SEZ6L: variants seen among roughly 807,000 people sequenced by gnomAD.
SEZ6L encodes seizure related 6 homolog like.
A neutral mutation model predicts 106.2 loss-of-function variants in SEZ6L; 37 were observed. The ratio of observed to expected loss-of-function variants is 0.35; its 90% CI spans 0.27 to 0.46. The LOEUF is 0.46. SEZ6L is among the 20% of genes least tolerant of loss of function. The pLI, the probability that SEZ6L is intolerant of heterozygous loss-of-function variation, is 1.00. For synonymous variants in SEZ6L, 541 were observed against 570.4 expected, an observed-to-expected ratio of 0.95 and a Z score of 0.73; for missense variants, 1,172 against 1,332.8, an observed-to-expected ratio of 0.88 and a Z score of 1.88.
chr22:26,337,823 T>C (rs2082692358), intron 9 of SEZ6L, among the ~76,000 whole-genome samples: 1 of 152,100 alleles, frequency 6.6e-6, no homozygotes, highest in South Asian at 2.1e-4. Context: ...ATGGCGGCAA[T>C]CAAAATCTTC....
intron 1 of SEZ6L, among the ~76,000 whole-genome samples, chr22:26,211,824 A>AAAT (rs2078167464): frequency 1.3e-5 from 2 of 149,564 alleles, no homozygotes; most frequent in Non-Finnish European, 3.0e-5. Flanking sequence ...AAAAAAAAAA[A>AAAT]AAAAATTTAA....
chr22:26,347,967 A>G, intron 11 of SEZ6L, 54 bp downstream of exon 11: 1 of 1,452,654 alleles, frequency 6.9e-7, no homozygotes, highest in Non-Finnish European at 9.1e-7. Context: ...AATCCCTTCT[A>G]GGGATCTTTT....
At chr22:26,330,146 T>C (rs767346878) in intron 9 of SEZ6L, among the ~76,000 whole-genome samples, 1 of 152,162 alleles carries the variant, frequency 6.6e-6, no homozygotes. Flanking sequence ...GCTCCAGGGA[T>C]TGGGGTGAAG....
chr22:26,306,643 T>TAATATGCATAGAATCCAG, intron 6 of SEZ6L, among the ~76,000 whole-genome samples: 1 of 152,218 alleles, frequency 6.6e-6, no homozygotes, highest in South Asian at 2.1e-4. Flanking sequence ...AGACTCTTAA[T>TAATATGCATAGAATCCAG]AATATGCATA....
At chr22:26,202,549 T>C (rs1448475965) in intron 1 of SEZ6L, among the ~76,000 whole-genome samples, 1 of 152,212 alleles carries the variant, frequency 6.6e-6, no homozygotes, top group Non-Finnish European at 1.5e-5. Context: ...TTGAGGACAC[T>C]GTCAGGCACA....
intron 12 of SEZ6L, among the ~76,000 whole-genome samples, chr22:26,362,328 G>A (rs2083662398): frequency 6.6e-6 from 1 of 152,202 alleles, no homozygotes; most frequent in African/African-American, 2.4e-5. Context: ...GGAAGGATTA[G>A]CCTTGGCCAA....
intron 9 of SEZ6L, among the ~76,000 whole-genome samples, chr22:26,314,293 G>A (rs147829822): frequency 2.0e-5 from 3 of 152,318 alleles, no homozygotes; most frequent in African/African-American, 4.8e-5. Context: ...AGTCTTCCCC[G>A]AGGATCTGAT....
intron 1 of SEZ6L, among the ~76,000 whole-genome samples, chr22:26,238,502 C>G (rs1356176569): frequency 6.6e-6 from 1 of 152,200 alleles, no homozygotes; most frequent in African/African-American, 2.4e-5. Context: ...CGATCCCTTG[C>G]GGATGTCAAA....
At chr22:26,233,173 T>C (rs1365078364) in intron 1 of SEZ6L, among the ~76,000 whole-genome samples, 1 of 152,252 alleles carries the variant, frequency 6.6e-6, no homozygotes, top group Admixed American at 6.5e-5. Context: ...GCAGTGTCTT[T>C]TTGCATTGCT....
At chr22:26,196,959 G>A (rs908669305) in intron 1 of SEZ6L, among the ~76,000 whole-genome samples, 4 of 152,152 alleles carry the variant, frequency 2.6e-5, no homozygotes, top group Middle Eastern at 3.2e-3. Flanking sequence ...CAACACTAAC[G>A]TTGAATGGAA....
At chr22:26,309,633 C>G (rs753346850) in intron 6 of SEZ6L, among the ~76,000 whole-genome samples, 5 of 152,148 alleles carry the variant, frequency 3.3e-5, no homozygotes, top group Non-Finnish European at 7.3e-5. Context: ...AGCTGGAGTG[C>G]AGTGGCTCGA....
At chr22:26,365,704 TCTCTAC>T in intron 13 of SEZ6L, 138 bp downstream of exon 13, 1 of 665,818 alleles carries the variant, frequency 1.5e-6, no homozygotes, top group African/African-American at 1.8e-5. Context: ...GAGACCCCCA[TCTCTAC>T]CAAAAAAAAA....
Position 26,266,330 on chromosome 22 carries a change from G to A in SEZ6L, c.95-26076G>A, listed in dbSNP as rs1472438323. ...AATCCCAGCACTTTGGGAGGCCAAG[G>A]CGGGTGGATCACGAGGTCAGGAGAT... On this transcript the variant is annotated intron_variant, in intron 1 of 16. Transcript: ENST00000248933. Among the ~76,000 whole-genome samples, 18 of 152,022 alleles carry A rather than the reference G, an allele frequency of 1.2e-4. No individual in the cohort carries two copies. The East Asian group carries it at 3.5e-3, about 30-fold the overall frequency.
chr22:26,331,233 G>A (rs1024401674), intron 9 of SEZ6L, among the ~76,000 whole-genome samples: 1 of 152,172 alleles, frequency 6.6e-6, no homozygotes, highest in African/African-American at 2.4e-5. Flanking sequence ...AGATGGGTTC[G>A]CTGGTCTGTG....
In SEZ6L at chr22:26,292,422, A is replaced by C. The variant is rs35377445; in HGVS notation, c.111A>C (p.Gly37=). 170,241 of 1,611,990 alleles carry C rather than the reference A, an allele frequency of 0.11. 10,233 individuals are homozygous for C. Among genetic ancestry groups the C allele is most frequent in the Middle Eastern group, 0.14 (824 of 6,046 alleles). Residue 37 remains glycine (G), a synonymous_variant, in exon 2 of 17, where the codon GGA becomes GGC. Transcript: ENST00000248933. The part of the protein sequence containing the change: ...AALERDALPE[G]DASPLGPYLL... Reference sequence around the variant, plus strand: ...TCTTCCAAGATGCTCTTCCCGAGGGAGATGCTAGCCCTTTGGGTCCTTACC... The same window carrying C: ...TCTTCCAAGATGCTCTTCCCGAGGGCGATGCTAGCCCTTTGGGTCCTTACC...
At chr22:26,289,019 T>C (rs147386010) in intron 1 of SEZ6L, among the ~76,000 whole-genome samples, 75 of 152,364 alleles carry the variant, frequency 4.9e-4, no homozygotes, top group Non-Finnish European at 9.3e-4. Context: ...AATTCCCTGG[T>C]CATTTCAAAA....
intron 9 of SEZ6L, among the ~76,000 whole-genome samples, chr22:26,330,815 A>G (rs1316637815): frequency 1.3e-5 from 2 of 152,226 alleles, no homozygotes; most frequent in African/African-American, 4.8e-5. Flanking sequence ...AATAATGTCC[A>G]TGAAATTAGA....
chr22:26,223,405 T>C (rs2078538903), intron 1 of SEZ6L, among the ~76,000 whole-genome samples: 1 of 152,194 alleles, frequency 6.6e-6, no homozygotes, highest in Admixed American at 6.5e-5. Flanking sequence ...GCCACTAAAT[T>C]TCCTTGCATT....
intron 1 of SEZ6L, among the ~76,000 whole-genome samples, chr22:26,260,256 A>T (rs2079957017): frequency 6.6e-6 from 1 of 152,144 alleles, no homozygotes. Context: ...GTATTCACTG[A>T]ACACAATTTG....
Sources: allele counts gnomAD v4.1 joint callset (sites outside exome capture counted in the v4.1 genomes callset), GRCh38; gene constraint gnomAD v4.1.1; transcripts MANE v1.5; gene names NCBI Gene and HGNC (gene_info 2026-07-23, HGNC 2026-07-21).